PRKCE: variants seen among roughly 807,000 people sequenced by gnomAD.
PRKCE encodes protein kinase C epsilon, also known as protein kinase C epsilon type.
PRKCE carries 16 observed loss-of-function variants against 85.4 expected under a neutral mutation model. The ratio of observed to expected loss-of-function variants is 0.19; its 90% CI spans 0.13 to 0.28. The LOEUF is 0.28. Ranked by LOEUF, PRKCE falls within the 10% of genes least tolerant of loss-of-function variation. The probability of loss-of-function intolerance (pLI) is 1.00; values close to 1 mark genes in which losing one functional copy is unlikely to be tolerated. For missense variants in PRKCE, 573 were observed against 975.2 expected (o/e 0.59, Z 5.49); for synonymous variants, 388 against 371.5 (o/e 1.04, Z -0.51).
chr2:45,761,971 T>A (rs1021292358), intron 1 of PRKCE, among the ~76,000 whole-genome samples: 13 of 152,148 alleles, frequency 8.5e-5, no homozygotes, highest in Admixed American at 2.6e-4. Flanking sequence ...ATCAGGGAGT[T>A]ACTGCAGATC....
At chr2:45,937,569 G>A (rs1251824228) in intron 2 of PRKCE, among the ~76,000 whole-genome samples, 3 of 152,116 alleles carry the variant, frequency 2.0e-5, no homozygotes, top group Non-Finnish European at 4.4e-5. Flanking sequence ...AAAAAAATTA[G>A]CCAGGCCTGG....
intron 1 of PRKCE, among the ~76,000 whole-genome samples, chr2:45,794,150 T>G (rs1194095525): frequency 6.6e-6 from 1 of 152,112 alleles, no homozygotes; most frequent in East Asian, 1.9e-4. Flanking sequence ...GCAGAACTCT[T>G]CCTCAGGAGT....
chr2:45,823,675 T>G (rs571793295), intron 1 of PRKCE, among the ~76,000 whole-genome samples: 1 of 152,304 alleles, frequency 6.6e-6, no homozygotes, highest in Non-Finnish European at 1.5e-5. Context: ...GTAGGCATCC[T>G]AGGAGAGCAG....
chr2:46,085,559 T>TGGATATCTTCTAGAGGAG (rs1553341500), intron 10 of PRKCE, among the ~76,000 whole-genome samples: 3 of 116,926 alleles, frequency 2.6e-5, no homozygotes, highest in South Asian at 3.4e-4. Flanking sequence ...CTTTGGCTTG[T>TGGATATCTTCTAGAGGAG]GACTGTTTCA....
At position 46,145,074 on chromosome 2, in the gene PRKCE, G is replaced by C; in HGVS notation, c.1593-19G>C. 1 of 1,599,656 alleles carries C rather than the reference G, an allele frequency of 6.3e-7. No homozygotes were observed. The highest frequency in any genetic ancestry group is 8.5e-7 in the Non-Finnish European group (1 of 1,179,900). ...GGGTGAGTGACGTATTGACATTATG[G>C]TCCTGGCCTATCTTGCAGGGATTTG... On this transcript the variant is annotated intron_variant, in intron 11 of 14. Coordinates refer to ENST00000306156, the MANE Select transcript of PRKCE (RefSeq NM_005400.3). This position sits in a 1 kb window ranked among gnomAD's most constrained non-coding sequence, Gnocchi z 4.6.
chr2:45,662,846 C>G (rs1007247915), intron 1 of PRKCE, among the ~76,000 whole-genome samples: 1 of 147,354 alleles, frequency 6.8e-6, no homozygotes, highest in Non-Finnish European at 1.5e-5. Flanking sequence ...TTAAGCCACT[C>G]AAAGAGTACT....
intron 1 of PRKCE, among the ~76,000 whole-genome samples, chr2:45,675,071 A>T (rs558391086): frequency 1.3e-5 from 2 of 152,202 alleles, no homozygotes; most frequent in Non-Finnish European, 2.9e-5. Context: ...AAAGGAAGGG[A>T]TGAGGTGAGA....
intron 10 of PRKCE, among the ~76,000 whole-genome samples, chr2:46,025,103 G>C (rs1706997932): frequency 6.6e-6 from 1 of 152,216 alleles, no homozygotes; most frequent in Non-Finnish European, 1.5e-5. Context: ...AGGTGTGATT[G>C]TTGACCTTGC....
chr2:45,941,079 A>AG (rs1699845933), intron 2 of PRKCE, among the ~76,000 whole-genome samples: 1 of 150,258 alleles, frequency 6.7e-6, no homozygotes, highest in African/African-American at 2.4e-5. Flanking sequence ...AAAAAAAAAA[A>AG]AAAAAAAAGA....
At chr2:45,873,469 A>AAC (rs1553437424) in intron 2 of PRKCE, among the ~76,000 whole-genome samples, 14 of 149,878 alleles carry the variant, frequency 9.3e-5, no homozygotes, top group South Asian at 4.2e-4. Flanking sequence ...AAAAAAAAAA[A>AAC]AAAAAAACAA....
intron 10 of PRKCE, among the ~76,000 whole-genome samples, chr2:46,085,743 T>G (rs559167676): frequency 0.021 from 548 of 26,142 alleles, 48 homozygotes; most frequent in Non-Finnish European, 0.037. Context: ...TCCGTTTTTT[T>G]TTTTTGTTTT....
intron 1 of PRKCE, among the ~76,000 whole-genome samples, chr2:45,818,720 C>G (rs377106209): frequency 6.6e-6 from 1 of 152,208 alleles, no homozygotes; most frequent in Non-Finnish European, 1.5e-5. Context: ...AGTTTTAACA[C>G]GAGGAGGTGG....
chr2:45,932,702 T>C (rs1699130948), intron 2 of PRKCE, among the ~76,000 whole-genome samples: 1 of 152,222 alleles, frequency 6.6e-6, no homozygotes, highest in Non-Finnish European at 1.5e-5. Context: ...GTGTTTATGT[T>C]ACTGGACAAC....
Position 45,744,695 on chromosome 2 carries a change from G to A in PRKCE, c.348+92247G>A, listed in dbSNP as rs186622254. Among the ~76,000 whole-genome samples the A allele has an allele frequency of 2.6e-3, 399 of 151,498 alleles. 1 individual carries two copies. Among genetic ancestry groups the A allele is most frequent in the Non-Finnish European group, 4.5e-3 (306 of 67,876 alleles). On this transcript the variant is annotated intron_variant, in intron 1 of 14. Coordinates refer to ENST00000306156, the MANE Select transcript of PRKCE (RefSeq NM_005400.3). ...CCGTCTCCGGCTCACTGCAACCTCC[G>A]TCTCCAGAGCTCAAGCGATTCTCCT...
intron 2 of PRKCE, among the ~76,000 whole-genome samples, chr2:45,844,747 G>A (rs2044029455): frequency 1.3e-5 from 2 of 152,126 alleles, no homozygotes; most frequent in South Asian, 4.1e-4. Context: ...TGGGAGGCTG[G>A]GACTATTTTC....
intron 10 of PRKCE, among the ~76,000 whole-genome samples, chr2:46,053,945 T>A (rs1666312851): frequency 6.6e-6 from 1 of 152,202 alleles, no homozygotes; most frequent in Admixed American, 6.5e-5. Flanking sequence ...CGCCATACTG[T>A]TTTCCACCGC....
At chr2:45,729,008 C>G (rs1326264694) in intron 1 of PRKCE, among the ~76,000 whole-genome samples, 1 of 152,168 alleles carries the variant, frequency 6.6e-6, no homozygotes, top group Non-Finnish European at 1.5e-5. Flanking sequence ...CTTCTTCCCT[C>G]ACTTCCCATC....
chr2:45,914,448 C>G (rs1427169293), intron 2 of PRKCE, among the ~76,000 whole-genome samples: 1 of 152,128 alleles, frequency 6.6e-6, no homozygotes, highest in Non-Finnish European at 1.5e-5. Context: ...TGCTGTAGAT[C>G]TAGATTTAGG....
chr2:45,869,930 A>G (rs577447533), intron 2 of PRKCE, among the ~76,000 whole-genome samples: 1 of 148,926 alleles, frequency 6.7e-6, no homozygotes, highest in East Asian at 2.0e-4. Context: ...CTGGTCTTGA[A>G]CTCCTGACCT....
Sources: gnomAD v4.1 joint callset for allele counts (sites outside exome capture counted in the v4.1 genomes callset) on GRCh38, gnomAD v4.1.1 for gene constraint, Gnocchi (gnomAD v3.1) non-coding constraint, MANE v1.5 for transcripts, NCBI Gene and HGNC (gene_info 2026-07-23, HGNC 2026-07-21) for gene names.